PLCG2: variants seen among roughly 807,000 people sequenced by gnomAD.
The protein encoded by PLCG2 is phospholipase C gamma 2.
A neutral mutation model predicts 175.6 loss-of-function variants in PLCG2; 69 were observed. The observed-to-expected ratio is 0.39, with a 90% CI of 0.32 to 0.48. The LOEUF is 0.48. PLCG2 is among the 20% of genes least tolerant of loss of function. PLCG2 has a pLI of 0.91. For synonymous variants in PLCG2, 827 were observed against 624.0 expected (o/e 1.33, Z -4.85); for missense variants, 1,798 against 1,650.9 (o/e 1.09, Z -1.54).
intron 22 of PLCG2, among the ~76,000 whole-genome samples, chr16:81,926,051 C>T (rs1397680970): frequency 4.0e-5 from 6 of 151,710 alleles, no homozygotes; most frequent in South Asian, 2.1e-4. Flanking sequence ...GGGAAGACTC[C>T]GTGGGAGAGG....
intron 15 of PLCG2, 126 bp downstream of exon 15, chr16:81,905,633 A>G: frequency 1.6e-6 from 1 of 642,200 alleles, no homozygotes; most frequent in Non-Finnish European, 2.8e-6. Context: ...AGTTTTTGCC[A>G]TGTGAATTTA....
chr16:81,796,418 C>G (rs1911471845), intron 2 of PLCG2, among the ~76,000 whole-genome samples: 1 of 152,234 alleles, frequency 6.6e-6, no homozygotes, highest in Admixed American at 6.5e-5. Flanking sequence ...GATCAGTATC[C>G]TTTGGCACGG....
At chr16:81,941,660 T>C (rs1412709693) in intron 30 of PLCG2, among the ~76,000 whole-genome samples, 2 of 151,942 alleles carry the variant, frequency 1.3e-5, no homozygotes, top group Non-Finnish European at 2.9e-5. Flanking sequence ...GCCTGATATT[T>C]GGCAACCCTT....
intron 2 of PLCG2, among the ~76,000 whole-genome samples, chr16:81,770,622 G>A (rs1910257079): frequency 6.6e-6 from 1 of 152,142 alleles, no homozygotes; most frequent in Admixed American, 6.6e-5. Flanking sequence ...GGCTGAGGTG[G>A]GAGGATTGTA....
At chr16:81,788,283 C>T (rs1911072664) in intron 2 of PLCG2, among the ~76,000 whole-genome samples, 2 of 152,016 alleles carry the variant, frequency 1.3e-5, no homozygotes, top group Admixed American at 6.6e-5. Context: ...AAGGATATGG[C>T]ATATATATAT....
intron 2 of PLCG2, among the ~76,000 whole-genome samples, chr16:81,786,676 G>T (rs1910987203): frequency 6.6e-6 from 1 of 152,218 alleles, no homozygotes; most frequent in Non-Finnish European, 1.5e-5. Context: ...TCAAATGCAG[G>T]TCTGGTCTTG....
In PLCG2 at chr16:81,924,947, A is replaced by G. The variant is rs529648591; in HGVS notation, c.2417+1353A>G. Among the ~76,000 whole-genome samples, 138 of 152,346 alleles carry G rather than the reference A, an allele frequency of 9.1e-4. 1 individual carries two copies. Among genetic ancestry groups the G allele is most frequent in the African/African-American group, 3.1e-3 (128 of 41,578 alleles). On this transcript the variant is annotated intron_variant, in intron 22 of 32. Coordinates refer to ENST00000564138, the MANE Select transcript of PLCG2 (RefSeq NM_002661.5). ...GTGGCACAGAGTTGAGGTCTCTTCC[A>G]GGCACACTGGCGTTCCCTCACTGGG...
intron 28 of PLCG2, among the ~76,000 whole-genome samples, chr16:81,938,195 G>A (rs550503525): frequency 2.6e-5 from 4 of 152,208 alleles, no homozygotes; most frequent in South Asian, 2.1e-4. Context: ...GCCTCTGGCC[G>A]GAAAGAGAAA....
chr16:81,751,169 T>C (rs1909805569), intron 1 of PLCG2, among the ~76,000 whole-genome samples: 1 of 150,934 alleles, frequency 6.6e-6, no homozygotes, highest in Admixed American at 6.6e-5. Flanking sequence ...TTAGTAGAGA[T>C]GGGGTTTCAC....
intron 11 of PLCG2, among the ~76,000 whole-genome samples, chr16:81,892,847 C>CTT (rs58257849): frequency 2.2e-5 from 3 of 133,694 alleles, no homozygotes; most frequent in African/African-American, 2.8e-5. Context: ...GGAACATAAA[C>CTT]TTTTTTTTTT....
At position 81,790,087 on chromosome 16, in the gene PLCG2, A is replaced by G. The variant is rs543738114; in HGVS notation, c.193+3905A>G. Among the ~76,000 whole-genome samples the G allele has an allele frequency of 3.3e-5, 5 of 152,250 alleles. No individual in the cohort carries two copies. The South Asian group carries it at 6.2e-4, about 19-fold the overall frequency. On this transcript the variant is annotated intron_variant, in intron 2 of 32. Coordinates refer to ENST00000564138, the MANE Select transcript of PLCG2 (RefSeq NM_002661.5). ...CCCTTATCTGTGGACTGGAAATAAC[A>G]TTGGTGTCTACCCCACAGGCTCATG...
intron 15 of PLCG2, 53 bp from the exon 16 acceptor site, chr16:81,907,632 C>A (rs1909432897): frequency 8.3e-6 from 11 of 1,322,270 alleles, no homozygotes; most frequent in African/African-American, 4.3e-5. Context: ...CTGGGCTCCA[C>A]AGTTGATGAG....
intron 2 of PLCG2, among the ~76,000 whole-genome samples, chr16:81,801,960 C>G (rs576922046): frequency 6.6e-6 from 1 of 152,028 alleles, no homozygotes; most frequent in Non-Finnish European, 1.5e-5. Context: ...GGATTACAGG[C>G]ATCAGCCATC....
At chr16:81,759,569 G>T (rs959270168) in intron 2 of PLCG2, among the ~76,000 whole-genome samples, 1 of 152,084 alleles carries the variant, frequency 6.6e-6, no homozygotes, top group African/African-American at 2.4e-5. Flanking sequence ...CTCTGCCACC[G>T]TATCCTACTT....
At chr16:81,900,349 A>G (rs565151945) in intron 13 of PLCG2, among the ~76,000 whole-genome samples, 1 of 152,338 alleles carries the variant, frequency 6.6e-6, no homozygotes, top group Admixed American at 6.5e-5. Context: ...AGATATGAAT[A>G]GATGGAAAAA....
chr16:81,933,553 G>A (rs191057950), intron 25 of PLCG2, among the ~76,000 whole-genome samples: 4 of 151,934 alleles, frequency 2.6e-5, no homozygotes, highest in Non-Finnish European at 5.9e-5. Context: ...CAGGCCTGGA[G>A]AGTAATTGTC....
At chr16:81,803,654 TCCCTCCCTC>T (rs1911858441) in intron 2 of PLCG2, among the ~76,000 whole-genome samples, 8 of 90,234 alleles carry the variant, frequency 8.9e-5, no homozygotes, top group Admixed American at 1.4e-4. Flanking sequence ...CCTCCCTCCC[TCCCTCCCTC>T]CCTTCCTTCC....
rs184093710 is a variant in PLCG2 at position 81,957,945 on chromosome 16, T to C, written c.3756-11T>C. On this transcript the variant is annotated splice_polypyrimidine_tract_variant and intron_variant, in intron 32 of 32. Transcript: ENST00000564138. The stretch of plus-strand genomic sequence containing the variant: ...GGCCCACTGCTGATGGTGAAATCTG[T>C]TTTATTTCAGGTTAAGAGAGAAGAG... 6 of 1,612,892 alleles carry C rather than the reference T, an allele frequency of 3.7e-6. No individual in the cohort carries two copies. The highest frequency in any genetic ancestry group is 5.1e-6 in the Non-Finnish European group (6 of 1,178,850).
chr16:81,788,698 G>A (rs1408255919), intron 2 of PLCG2, among the ~76,000 whole-genome samples: 1 of 152,220 alleles, frequency 6.6e-6, no homozygotes, highest in Non-Finnish European at 1.5e-5. Context: ...ATCCTATCAT[G>A]AGTGTGATCA....
Sources: gnomAD v4.1 joint callset for allele counts (sites outside exome capture counted in the v4.1 genomes callset) on GRCh38, gnomAD v4.1.1 for gene constraint, MANE v1.5 for transcripts, NCBI Gene and HGNC (gene_info 2026-07-23, HGNC 2026-07-21) for gene names.